The following BAALC variants were observed in gnomAD, a reference collection of about 807,000 sequenced individuals.
The protein encoded by BAALC is BAALC binder of MAP3K1 and KLF4, also known as brain and acute leukemia cytoplasmic protein.
A neutral mutation model predicts 15.5 loss-of-function variants in BAALC; 9 were observed. The observed-to-expected ratio is 0.58, with a 90% CI of 0.35 to 1.02. BAALC has a LOEUF of 1.02. Ranked by LOEUF, BAALC falls within the 50% of genes least tolerant of loss-of-function variation. The pLI is 0.02. For missense variants in BAALC, 201 were observed against 192.4 expected (o/e 1.04, Z -0.27); for synonymous variants, 80 against 74.6 (o/e 1.07, Z -0.37).
intron 1 of BAALC, among the ~76,000 whole-genome samples, chr8:103,163,048 G>A (rs1811264175): frequency 6.6e-6 from 1 of 152,116 alleles, no homozygotes; most frequent in African/African-American, 2.4e-5. Context: ...TGTAAATGGA[G>A]AGTCAGCGCC....
intron 1 of BAALC, among the ~76,000 whole-genome samples, chr8:103,155,775 G>A (rs187949297): frequency 3.0e-4 from 46 of 152,188 alleles, no homozygotes; most frequent in Admixed American, 3.0e-3. Context: ...TTGGTAGTGG[G>A]AGTGCAGCTA....
intron 1 of BAALC, among the ~76,000 whole-genome samples, chr8:103,172,618 C>A (rs1586397889): frequency 1.3e-5 from 2 of 152,184 alleles, no homozygotes; most frequent in East Asian, 3.9e-4. Context: ...TGGTCTCAAA[C>A]TCCTGACTTC....
At chr8:103,166,080 C>T (rs1460325573) in intron 1 of BAALC, 10 of 152,618 alleles carry the variant, frequency 6.6e-5, no homozygotes, top group South Asian at 4.1e-4. Flanking sequence ...CTCCATTGTT[C>T]GCTTTTTCTG....
At chr8:103,206,703 G>A (rs1050454486) in intron 1 of BAALC, among the ~76,000 whole-genome samples, 1 of 152,128 alleles carries the variant, frequency 6.6e-6, no homozygotes, top group Non-Finnish European at 1.5e-5. Flanking sequence ...GGCTCTGGTA[G>A]TAACAGAGCC....
chr8:103,157,416 C>T (rs1811120743), intron 1 of BAALC, among the ~76,000 whole-genome samples: 1 of 152,108 alleles, frequency 6.6e-6, no homozygotes, highest in Admixed American at 6.6e-5. Context: ...CCTCCATTCC[C>T]CTTCATCAAT....
intron 1 of BAALC, among the ~76,000 whole-genome samples, chr8:103,206,394 T>C (rs2130047196): frequency 6.6e-6 from 1 of 152,272 alleles, no homozygotes; most frequent in Middle Eastern, 3.4e-3. Context: ...CTTTTCTTGC[T>C]GAGAGATTTT....
At position 103,225,120 on chromosome 8, in the gene BAALC, G is replaced by T. The variant is rs1344445091; in HGVS notation, c.328-2869G>T. On this transcript the variant is annotated intron_variant, in intron 2 of 2. Coordinates refer to ENST00000309982, the MANE Select transcript of BAALC (RefSeq NM_024812.3). Reference sequence around the variant, plus strand: ...CTTTGCTAGCCCTAGTGCCAGTTCAGGCTCAGAAAACCTGAGTGTAAGACT... The same window carrying T: ...CTTTGCTAGCCCTAGTGCCAGTTCATGCTCAGAAAACCTGAGTGTAAGACT... Among the ~76,000 whole-genome samples, 3 of 152,188 alleles carry T rather than the reference G, an allele frequency of 2.0e-5. No individual in the cohort carries two copies. In the South Asian group the frequency reaches 6.2e-4, roughly 32 times the overall value.
rs141731836 is a variant in BAALC, at chr8:103,190,750, A to G, written c.161-22169A>G. On this transcript the variant is annotated intron_variant, in intron 1 of 2. Coordinates refer to ENST00000309982, the MANE Select transcript of BAALC (RefSeq NM_024812.3). ...GATTTCCATTTTCAACTCCTGCCCT[A>G]GATCTGAGTGTCTGCAGGGTGAAGA... Among the ~76,000 whole-genome samples the G allele has an allele frequency of 9.5e-3, 1,441 of 152,318 alleles. 15 individuals carry two copies. Among genetic ancestry groups the G allele is most frequent in the Middle Eastern group, 0.024 (7 of 294 alleles).
chr8:103,157,152 C>A (rs1035999513), intron 1 of BAALC: 2 of 148,364 alleles, frequency 1.3e-5, no homozygotes, highest in South Asian at 2.1e-4. Flanking sequence ...ACACACACAC[C>A]ACACACAAAT....
intron 1 of BAALC, among the ~76,000 whole-genome samples, chr8:103,192,151 A>C (rs796951452): frequency 2.6e-5 from 4 of 152,312 alleles, no homozygotes; most frequent in African/African-American, 9.6e-5. Flanking sequence ...TCCCGGGTTC[A>C]AGCGATTCTC....
intron 1 of BAALC, among the ~76,000 whole-genome samples, chr8:103,145,600 G>A (rs1285017185): frequency 6.6e-6 from 1 of 152,150 alleles, no homozygotes; most frequent in Non-Finnish European, 1.5e-5. Context: ...ATCAGGTTAG[G>A]ATTTGTTTGT....
chr8:103,183,830 A>G (rs550707186), intron 1 of BAALC, among the ~76,000 whole-genome samples: 12 of 152,356 alleles, frequency 7.9e-5, no homozygotes, highest in African/African-American at 2.6e-4. Flanking sequence ...ATTCCTGGGC[A>G]TGGTCCCTGA....
chr8:103,153,818 C>G (rs922825042), intron 1 of BAALC, among the ~76,000 whole-genome samples: 2 of 152,174 alleles, frequency 1.3e-5, no homozygotes, highest in African/African-American at 4.8e-5. Flanking sequence ...GCTGCTGTCT[C>G]TAGGGCTTGT....
intron 1 of BAALC, among the ~76,000 whole-genome samples, chr8:103,156,159 A>T (rs1173876558): frequency 6.6e-6 from 1 of 152,194 alleles, no homozygotes; most frequent in Admixed American, 6.5e-5. Context: ...TGTGGAAGAG[A>T]GAAAAAAAAG....
chr8:103,141,843 G>A (rs559680583), intron 1 of BAALC, among the ~76,000 whole-genome samples: 2 of 152,206 alleles, frequency 1.3e-5, no homozygotes, highest in Admixed American at 1.3e-4. Flanking sequence ...GAGATGCAAA[G>A]AATTGTCTGG....
chr8:103,180,734 A>AAGCCTCC (rs1811707832), intron 1 of BAALC, among the ~76,000 whole-genome samples: 1 of 152,220 alleles, frequency 6.6e-6, no homozygotes, highest in Non-Finnish European at 1.5e-5. Context: ...TTCCTTGGGG[A>AAGCCTCC]AACCCTTTCA....
In BAALC at chr8:103,140,921, G is replaced by T. The variant is rs375144018; in HGVS notation, c.24G>T (p.Ala8=). MGCGGSR[A]DAIEPRYYES... is the part of the protein sequence containing the mutation. Reference sequence around the variant, plus strand: ...GGATGGGCTGCGGCGGGAGCCGGGCGGATGCCATCGAGCCCCGCTACTACG... The same window carrying T: ...GGATGGGCTGCGGCGGGAGCCGGGCTGATGCCATCGAGCCCCGCTACTACG... Residue 8 remains alanine (A), a synonymous_variant, in exon 1 of 3, where the codon GCG becomes GCT. Transcript: ENST00000309982. The surrounding 1 kb of genome is among the most constrained non-coding windows in gnomAD (Gnocchi z 4.2). 1.3e-6 allele frequency: 2 copies of T among 1,521,530 alleles called. No homozygotes were observed. The highest frequency in any genetic ancestry group is 1.4e-5 in the African/African-American group (1 of 69,208). 94.3% of individuals were successfully genotyped at this position (1,521,530 alleles called of 1,614,324 possible). A position where few individuals can be genotyped will look rare whatever the true frequency, so the allele number is the denominator to read the frequency against.
intron 1 of BAALC, among the ~76,000 whole-genome samples, chr8:103,189,257 A>G (rs997929519): frequency 6.6e-6 from 1 of 152,226 alleles, no homozygotes; most frequent in East Asian, 1.9e-4. Context: ...TTCACCTTAA[A>G]TCTTTGGTTT....
At position 103,140,944 on chromosome 8, in the gene BAALC, ACG is replaced by A; in HGVS notation, c.48_49del (p.Tyr16Ter). On this transcript the variant is annotated stop_gained and frameshift_variant, in exon 1 of 3. Coordinates refer to ENST00000309982, the MANE Select transcript of BAALC (RefSeq NM_024812.3). LOFTEE classifies it high-confidence loss of function. The surrounding 1 kb of genome is among the most constrained non-coding windows in gnomAD (Gnocchi z 4.2). ...GCGGATGCCATCGAGCCCCGCTACT[ACG>A]AGAGCTGGACCCGGGAGACAGAATC... 6.5e-7 allele frequency: 1 copy of A among 1,537,694 alleles called. No individual in the cohort carries two copies. Among genetic ancestry groups the A allele is most frequent in the South Asian group, 1.2e-5 (1 of 83,006 alleles).
Sources: gnomAD v4.1 joint callset for allele counts (sites outside exome capture counted in the v4.1 genomes callset) on GRCh38, gnomAD v4.1.1 for gene constraint, Gnocchi (gnomAD v3.1) non-coding constraint, MANE v1.5 for transcripts, NCBI Gene and HGNC (gene_info 2026-07-23, HGNC 2026-07-21) for gene names.